Variants in NR1D2 observed in about 807,000 individuals in gnomAD.
NR1D2 encodes the protein nuclear receptor subfamily 1 group D member 2.
NR1D2 carries 25 observed loss-of-function variants against 52.2 expected under a neutral mutation model. That is an observed-to-expected ratio of 0.48 (90% CI 0.35 to 0.67). The LOEUF (loss-of-function observed/expected upper bound fraction) is 0.67, where lower values mean the gene tolerates loss of function less well. NR1D2 is among the 30% of genes least tolerant of loss of function. The pLI, the probability that NR1D2 is intolerant of heterozygous loss-of-function variation, is 0.01. For missense variants in NR1D2, 681 were observed against 707.2 expected, an observed-to-expected ratio of 0.96 and a Z score of 0.42; for synonymous variants, 259 against 230.1, an observed-to-expected ratio of 1.13 and a Z score of -1.14.
In NR1D2 at chr3:23,979,676, T is replaced by C. The variant is rs1575164508; in HGVS notation, c.*2257T>C. On this transcript the variant is annotated 3_prime_UTR_variant, in exon 8 of 8. Coordinates refer to ENST00000312521, the MANE Select transcript of NR1D2 (RefSeq NM_005126.5). ...AATAGTTCATATGTCACTCATAGCA[T>C]TTCTATATTTGAAAGTAGCCCAATA... is the stretch of plus-strand genomic sequence containing the variant. The C allele has an allele frequency of 1.3e-5, 2 of 152,242 alleles. No individual in the cohort carries two copies. Among genetic ancestry groups the C allele is most frequent in the Non-Finnish European group, 2.9e-5 (2 of 67,928 alleles). The allele number at this position is 152,242 out of a possible 1,614,324, so 9.4% of individuals were successfully genotyped here.
chr3:23,957,263 G>A (rs936030385), intron 3 of NR1D2, among the ~76,000 whole-genome samples: 8 of 151,806 alleles, frequency 5.3e-5, no homozygotes, highest in Non-Finnish European at 1.0e-4. Flanking sequence ...GATTACAGGC[G>A]TGAGCCACGC....
intron 7 of NR1D2, among the ~76,000 whole-genome samples, chr3:23,972,818 A>G (rs1706626052): frequency 1.3e-5 from 2 of 152,218 alleles, no homozygotes; most frequent in South Asian, 4.1e-4. Flanking sequence ...ATTGTTTACC[A>G]TCCAGCCAGG....
chr3:23,973,611 T>C (rs1000849144), intron 7 of NR1D2, among the ~76,000 whole-genome samples: 3 of 152,220 alleles, frequency 2.0e-5, no homozygotes, highest in Non-Finnish European at 4.4e-5. Flanking sequence ...TTACTGTATA[T>C]GACTGTAGAC....
chr3:23,946,173 C>T (rs1161095465), intron 1 of NR1D2: 4 of 985,132 alleles, frequency 4.1e-6, no homozygotes, highest in African/African-American at 1.7e-5. Context: ...CGTGCGCGCC[C>T]GCTGAGCCCC....
intron 1 of NR1D2, among the ~76,000 whole-genome samples, chr3:23,947,583 A>G (rs1559328183): frequency 6.6e-6 from 1 of 152,192 alleles, no homozygotes; most frequent in Non-Finnish European, 1.5e-5. Flanking sequence ...TATTTTTGGC[A>G]TGTTGCTTTG....
intron 7 of NR1D2, among the ~76,000 whole-genome samples, chr3:23,972,187 C>T (rs1706607607): frequency 6.6e-6 from 1 of 152,144 alleles, no homozygotes; most frequent in South Asian, 2.1e-4. Context: ...ACTTTATCCT[C>T]ACAGTAGATC....
chr3:23,949,859 A>G (rs568761128), intron 1 of NR1D2, among the ~76,000 whole-genome samples: 1 of 152,332 alleles, frequency 6.6e-6, no homozygotes, highest in South Asian at 2.1e-4. Flanking sequence ...ATGATGGACA[A>G]GTGTAGAAAA....
At chr3:23,961,051 A>T (rs896419219) in intron 4 of NR1D2, among the ~76,000 whole-genome samples, 7 of 152,208 alleles carry the variant, frequency 4.6e-5, no homozygotes, top group Non-Finnish European at 8.8e-5. Flanking sequence ...TTTTAATTAA[A>T]ATCTACCAAG....
Position 23,962,543 on chromosome 3 carries a change from G to C in NR1D2, c.1084G>C (p.Gly362Arg), listed in dbSNP as rs527354526. 7.1e-5 allele frequency: 114 copies of C among 1,613,536 alleles called. 3 individuals are homozygous for C. The South Asian group carries it at 1.2e-3, about 17-fold the overall frequency. Reference protein sequence around the residue: ...QRVCDRVPIDGFSQNENKNSY... With the variant: ...QRVCDRVPIDRFSQNENKNSY... ...AGTATGTGATAGAGTTCCGATAGAT[G>C]GATTTTCTCAGAATGAGAACAAGAA... Residue 362 changes from glycine to arginine, a missense_variant, in exon 5 of 8, where the codon GGA (glycine) becomes CGA (arginine). Gly to Arg is a moderately radical substitution (Grantham distance 125). Transcript: ENST00000312521.
chr3:23,949,711 C>T (rs1051434446), intron 1 of NR1D2, among the ~76,000 whole-genome samples: 1 of 152,202 alleles, frequency 6.6e-6, no homozygotes, highest in African/African-American at 2.4e-5. Context: ...TTATTTATAA[C>T]ACTTTTAAAA....
At chr3:23,968,121 G>C in intron 7 of NR1D2, 98 bp downstream of exon 7, 1 of 887,382 alleles carries the variant, frequency 1.1e-6, no homozygotes, top group Non-Finnish European at 1.9e-6. Context: ...TATATAGAGG[G>C]AATAAGGCCT....
chr3:23,955,962 TA>T, intron 2 of NR1D2, 74 bp from the exon 3 acceptor site: 1 of 1,034,406 alleles, frequency 9.7e-7, no homozygotes, highest in Non-Finnish European at 1.5e-6. Context: ...TTGAATGAAA[TA>T]AAATATCTAA....
Position 23,945,528 on chromosome 3 carries a change from C to CGG in NR1D2, c.-51_-50insGG. The CGG allele has an allele frequency of 1.0e-6, 1 of 959,620 alleles. No individual in the cohort carries two copies. Among genetic ancestry groups the CGG allele is most frequent in the Non-Finnish European group, 1.3e-6 (1 of 773,686 alleles). The allele number at this position is 959,620 out of a possible 1,614,324, so 59.4% of individuals were successfully genotyped here. On this transcript the variant is annotated 5_prime_UTR_variant, in exon 1 of 8. Coordinates refer to ENST00000312521, the MANE Select transcript of NR1D2 (RefSeq NM_005126.5). ...CGGCGCTGAGGCGGCGGCGGCGGCG[C>CGG]TGCCCCCTCTGCGGGAAGCGGGCGG...
Position 23,977,246 on chromosome 3 carries a change from A to G in NR1D2, c.1567A>G (p.Asn523Asp), listed in dbSNP as rs1404896585. 2 of 1,598,764 alleles carry G rather than the reference A, an allele frequency of 1.3e-6. No homozygotes were observed. Among genetic ancestry groups the G allele is most frequent in the Admixed American group, 1.8e-5 (1 of 55,820 alleles). The change falls in exon 8 of 8, where the codon AAC becomes GAC. Residue 523 changes from asparagine to aspartate, a missense_variant. Transcript: ENST00000312521. ...SADRSGIENV[N>D]SVEALQETLI... Reference sequence around the variant, plus strand: ...AGATCGATCTGGAATAGAAAACGTCAACTCTGTGGAGGCTTTGCAGGAAAC... The same window carrying G: ...AGATCGATCTGGAATAGAAAACGTCGACTCTGTGGAGGCTTTGCAGGAAAC...
chr3:23,956,580 A>G (rs1256762777), intron 3 of NR1D2, among the ~76,000 whole-genome samples: 1 of 152,176 alleles, frequency 6.6e-6, no homozygotes, highest in Non-Finnish European at 1.5e-5. Context: ...AATAATTGCT[A>G]CATACTTGAA....
At chr3:23,954,260 C>A (rs535201491) in intron 1 of NR1D2, among the ~76,000 whole-genome samples, 1 of 152,332 alleles carries the variant, frequency 6.6e-6, no homozygotes, top group East Asian at 1.9e-4. Context: ...AATCCTCCCA[C>A]CTCAGCCCCC....
In NR1D2 at chr3:23,954,687, A is replaced by G. The variant is rs751084374; in HGVS notation, c.167A>G (p.Lys56Arg). ...SSNSDTNGNPKNGDLANIEGI... is the reference protein window; with the variant it reads ...SSNSDTNGNPRNGDLANIEGI... ...AATTCTGATACCAATGGTAATCCCA[A>G]GAATGGTGATCTCGCCAATATTGAA... The change falls in exon 2 of 8, where the codon AAG becomes AGG. Residue 56 changes from lysine to arginine, a missense_variant. By Grantham distance (26) the Lys-to-Arg change is conservative. Around this residue, in one of 3 missense-constraint regions of NR1D2, gnomAD observed 94 missense variants for 90.4 expected, o/e 1.04. Coordinates refer to ENST00000312521, the MANE Select transcript of NR1D2 (RefSeq NM_005126.5). 4 of 1,614,186 alleles carry G rather than the reference A, an allele frequency of 2.5e-6. No homozygotes were observed. The highest frequency in any genetic ancestry group is 3.4e-6 in the Non-Finnish European group (4 of 1,180,002).
At chr3:23,951,327 C>T (rs1020196184) in intron 1 of NR1D2, among the ~76,000 whole-genome samples, 1 of 152,162 alleles carries the variant, frequency 6.6e-6, no homozygotes, top group Non-Finnish European at 1.5e-5. Flanking sequence ...ACTTTCTTAT[C>T]TTTTATTTTC....
intron 7 of NR1D2, among the ~76,000 whole-genome samples, chr3:23,975,400 A>T (rs902234604): frequency 1.3e-5 from 2 of 151,582 alleles, no homozygotes; most frequent in Non-Finnish European, 2.9e-5. Context: ...CTGGAATTCC[A>T]GGTGTGAGCC....
Sources: gnomAD v4.1 joint callset for allele counts (sites outside exome capture counted in the v4.1 genomes callset) on GRCh38, gnomAD v4.1.1 for gene constraint, gnomAD v4.1.1 regional missense constraint, MANE v1.5 for transcripts, NCBI Gene and HGNC (gene_info 2026-07-23, HGNC 2026-07-21) for gene names.